B4GALNT1: variants seen among roughly 807,000 people sequenced by gnomAD.
B4GALNT1 encodes beta-1,4 N-acetylgalactosaminyltransferase 1.
A neutral mutation model predicts 55.2 loss-of-function variants in B4GALNT1; 43 were observed. The ratio of observed to expected loss-of-function variants is 0.78; its 90% confidence interval spans 0.61 to 1.00. The LOEUF (loss-of-function observed/expected upper bound fraction) is 1.00. B4GALNT1 is among the 50% of genes least tolerant of loss of function. The pLI, the probability that B4GALNT1 is intolerant of heterozygous loss-of-function variation, is 0.00. For synonymous variants in B4GALNT1, 305 were observed against 311.6 expected, an observed-to-expected ratio of 0.98 and a Z score of 0.22; for missense variants, 664 against 729.7, an observed-to-expected ratio of 0.91 and a Z score of 1.04.
chr12:57,631,693 A>G lies in B4GALNT1; in HGVS notation c.218+222T>C, dbSNP rs1447930407. 3.9e-5 allele frequency among the ~76,000 whole-genome samples: 6 copies of G among 152,100 alleles called. 1 individual carries two copies. Among genetic ancestry groups the G allele is most frequent in the Admixed American group, 3.9e-4 (6 of 15,266 alleles). Reference sequence around the variant, plus strand: ...TCTTTCAGGGCCCTCCCTTGACTGCACAACCTCCCACGCCCATCCCCATCC... The same window carrying G: ...TCTTTCAGGGCCCTCCCTTGACTGCGCAACCTCCCACGCCCATCCCCATCC... On this transcript the variant is annotated intron_variant, in intron 2 of 10. Transcript: ENST00000341156.
Position 57,623,903 on chromosome 12 carries a change from A to C in B4GALNT1, c.*2841T>G. ...CTGTGGCTGGGGCCCTTCTTTTACT[A>C]TCTGCCCAAGGTAATGAGCAGAGGA... On this transcript the variant is annotated 3_prime_UTR_variant, in exon 11 of 11. Transcript: ENST00000341156. 6.2e-7 allele frequency: 1 copy of C among 1,613,868 alleles called. No individual in the cohort carries two copies. Among genetic ancestry groups the C allele is most frequent in the South Asian group, 1.1e-5 (1 of 91,058 alleles).
At chr12:57,630,021 C>T in intron 6 of B4GALNT1, 131 bp downstream of exon 6, 1 of 1,567,314 alleles carries the variant, frequency 6.4e-7, no homozygotes, top group African/African-American at 1.3e-5. Context: ...AGTTGAAGCA[C>T]CCATTGTGTG....
At position 57,625,479 on chromosome 12, in the gene B4GALNT1, GA is replaced by G; in HGVS notation, c.*1264del. 6.2e-7 allele frequency: 1 copy of G among 1,614,218 alleles called. No individual in the cohort carries two copies. Among genetic ancestry groups the G allele is most frequent in the Non-Finnish European group, 8.5e-7 (1 of 1,180,026 alleles). On this transcript the variant is annotated 3_prime_UTR_variant, in exon 11 of 11. Transcript: ENST00000341156. ...TCAGTGTAATGGTGAGATGTGTGGA[GA>G]AGAGCGGGGCCCAGTGCCTGGGCAA...
At chr12:57,627,052 G>A (rs1884863312) in intron 10 of B4GALNT1, 91 bp from the exon 11 acceptor site, 1 of 1,138,564 alleles carries the variant, frequency 8.8e-7, no homozygotes, top group Non-Finnish European at 1.3e-6. Context: ...GGTGTGGAAA[G>A]TGTGTGTGCA....
Position 57,626,589 on chromosome 12 carries a change from C to T in B4GALNT1, c.*155G>A. 4.6e-6 allele frequency: 4 copies of T among 861,530 alleles called. No homozygotes were observed. Among genetic ancestry groups the T allele is most frequent in the Non-Finnish European group, 5.5e-6 (3 of 544,150 alleles). The allele number at this position is 861,530 out of a possible 1,614,324, so 53.4% of individuals were successfully genotyped here. A position where few individuals can be genotyped will look rare whatever the true frequency, so the allele number is the denominator to read the frequency against. On this transcript the variant is annotated 3_prime_UTR_variant, in exon 11 of 11. Coordinates refer to ENST00000341156, the MANE Select transcript of B4GALNT1 (RefSeq NM_001478.5). ...AAGGAGGGGTGTCACCAGGACAACC[C>T]CTACTGGGCATCAGGTTCTGAAAAG... is the stretch of plus-strand genomic sequence containing the variant.
In B4GALNT1 at chr12:57,624,194, T is replaced by A; in HGVS notation, c.*2550A>T. The A allele has an allele frequency of 2.6e-6, 3 of 1,168,540 alleles. No homozygotes were observed. Among genetic ancestry groups the A allele is most frequent in the Non-Finnish European group, 2.5e-6 (2 of 809,482 alleles). 72.4% of individuals were successfully genotyped at this position (1,168,540 alleles called of 1,614,324 possible). On this transcript the variant is annotated 3_prime_UTR_variant, in exon 11 of 11. Coordinates refer to ENST00000341156, the MANE Select transcript of B4GALNT1 (RefSeq NM_001478.5). Reference sequence around the variant, plus strand: ...AAACCTAATTGTCCTGGTCTTAAGTTCTGCAACCCACCCACTCCCCCAGCA... The same window carrying A: ...AAACCTAATTGTCCTGGTCTTAAGTACTGCAACCCACCCACTCCCCCAGCA...
In B4GALNT1 at chr12:57,623,627, G is replaced by T; in HGVS notation, c.*3117C>A. ...CTTGAACAATGGACATCTACAAGGA[G>T]ACTGGTGAATAATGGGCATTTAATT... On this transcript the variant is annotated 3_prime_UTR_variant, in exon 11 of 11. Transcript: ENST00000341156. 1 of 574,118 alleles carries T rather than the reference G, an allele frequency of 1.7e-6. No homozygotes were observed. Among genetic ancestry groups the T allele is most frequent in the Non-Finnish European group, 3.1e-6 (1 of 323,690 alleles). The allele number at this position is 574,118 out of a possible 1,614,324, so 35.6% of individuals were successfully genotyped here.
In B4GALNT1 at chr12:57,625,620, G is replaced by A; in HGVS notation, c.*1124C>T. 6.3e-7 allele frequency: 1 copy of A among 1,592,538 alleles called. No homozygotes were observed. Among genetic ancestry groups the A allele is most frequent in the Non-Finnish European group, 8.6e-7 (1 of 1,168,746 alleles). On this transcript the variant is annotated 3_prime_UTR_variant, in exon 11 of 11. Transcript: ENST00000341156. ...GACACTGACCCGGGTAGGACTCCTG[G>A]ACAGGGTGACTCCAGATCAGCTGTT...
chr12:57,632,201 GC>G, intron 1 of B4GALNT1, 68 bp from the exon 2 acceptor site: 1 of 1,412,122 alleles, frequency 7.1e-7, no homozygotes. Context: ...GGGGCCCTTG[GC>G]CCCCGCGTCC....
In B4GALNT1 at chr12:57,626,494, G is replaced by A. The variant is rs931958974; in HGVS notation, c.*250C>T. On this transcript the variant is annotated 3_prime_UTR_variant, in exon 11 of 11. Coordinates refer to ENST00000341156, the MANE Select transcript of B4GALNT1 (RefSeq NM_001478.5). ...CCCCCATTTCCTGCCCCATGAGAATGGGCAGGGGGAGGACTTGGCACTGGC... is the reference window on the plus strand; with the variant it reads ...CCCCCATTTCCTGCCCCATGAGAATAGGCAGGGGGAGGACTTGGCACTGGC... The A allele has an allele frequency of 3.7e-6, 2 of 541,450 alleles. No individual in the cohort carries two copies. The highest frequency in any genetic ancestry group is 3.8e-5 in the African/African-American group (2 of 52,718). The allele number at this position is 541,450 out of a possible 1,614,324, so 33.5% of individuals were successfully genotyped here.
At chr12:57,628,043 CT>C in intron 9 of B4GALNT1, 78 bp downstream of exon 9, 8 of 1,577,040 alleles carry the variant, frequency 5.1e-6, no homozygotes, top group Non-Finnish European at 6.9e-6. Flanking sequence ...CTGGCCGTTC[CT>C]GGCCGCAGCG....
rs974639680 is a variant in B4GALNT1 at position 57,632,066 on chromosome 12, G to C, written c.67C>G (p.Leu23Val). The C allele has an allele frequency of 3.5e-6, 5 of 1,445,264 alleles. No individual in the cohort carries two copies. Among genetic ancestry groups the C allele is most frequent in the Non-Finnish European group, 4.6e-6 (5 of 1,097,262 alleles). 89.5% of individuals were successfully genotyped at this position (1,445,264 alleles called of 1,614,324 possible). Residue 23 changes from leucine (L) to valine (V), a missense_variant, in exon 2 of 11, where the codon CTG becomes GTG. By Grantham distance (32) the Leu-to-Val change is conservative. Coordinates refer to ENST00000341156, the MANE Select transcript of B4GALNT1 (RefSeq NM_001478.5). ...LLLACASLGLLYASTRDAPGL... is the reference protein window; with the variant it reads ...LLLACASLGLVYASTRDAPGL... The stretch of plus-strand genomic sequence containing the variant: ...GGCGCGTCCCGGGTGCTCGCGTACA[G>C]GAGCCCCAGCGAGGCGCAGGCGAGC...
At chr12:57,627,530 G>A in intron 10 of B4GALNT1, 88 bp downstream of exon 10, 1 of 1,466,326 alleles carries the variant, frequency 6.8e-7, no homozygotes, top group Non-Finnish European at 9.0e-7. Flanking sequence ...GCTGGGCGCG[G>A]GTGCAGCCTA....
chr12:57,629,119 G>A lies in B4GALNT1; in HGVS notation c.740C>T (p.Ala247Val). ...GTGTCTTATGCGGATAGTGAAAGCA[G>A]CCTCATGTCCCTCGGTGGAGAACCG... ...TVRFSTEGHE[A>V]AFTIRIRHPP... The change falls in exon 7 of 11, where the codon GCT (alanine) becomes GTT (valine). Residue 247 changes from alanine to valine, a missense_variant. Physicochemically the swap from Ala to Val is moderately conservative, Grantham distance 64. Coordinates refer to ENST00000341156, the MANE Select transcript of B4GALNT1 (RefSeq NM_001478.5). The A allele has an allele frequency of 6.3e-7, 1 of 1,597,582 alleles. No individual in the cohort carries two copies. Among genetic ancestry groups the A allele is most frequent in the Non-Finnish European group, 8.6e-7 (1 of 1,167,802 alleles).
At position 57,625,956 on chromosome 12, in the gene B4GALNT1, G is replaced by T; in HGVS notation, c.*788C>A. 2.0e-6 allele frequency: 1 copy of T among 490,302 alleles called. No homozygotes were observed. Among genetic ancestry groups the T allele is most frequent in the Non-Finnish European group, 3.4e-6 (1 of 290,294 alleles). 30.4% of individuals were successfully genotyped at this position (490,302 alleles called of 1,614,324 possible). On this transcript the variant is annotated 3_prime_UTR_variant, in exon 11 of 11. Coordinates refer to ENST00000341156, the MANE Select transcript of B4GALNT1 (RefSeq NM_001478.5). The stretch of plus-strand genomic sequence containing the variant: ...ACTGCCACATTTCATTAAGGAAGAG[G>T]GGTGCCTAATCTATTCCTGACATGT...
intron 3 of B4GALNT1, 37 bp downstream of exon 3, chr12:57,631,163 C>T (rs371208296): frequency 6.2e-7 from 1 of 1,613,538 alleles, no homozygotes; most frequent in African/African-American, 1.3e-5. Flanking sequence ...TCACTGCTCT[C>T]CCCCTGAGGA....
In B4GALNT1 at chr12:57,623,778, C is replaced by G. The variant is rs746526883; in HGVS notation, c.*2966G>C. 4.7e-6 allele frequency: 7 copies of G among 1,488,172 alleles called. No individual in the cohort carries two copies. The highest frequency in any genetic ancestry group is 6.5e-6 in the Non-Finnish European group (7 of 1,080,296). The allele number at this position is 1,488,172 out of a possible 1,614,324, so 92.2% of individuals were successfully genotyped here. A position where few individuals can be genotyped will look rare whatever the true frequency, so the allele number is the denominator to read the frequency against. On this transcript the variant is annotated 3_prime_UTR_variant, in exon 11 of 11. Coordinates refer to ENST00000341156, the MANE Select transcript of B4GALNT1 (RefSeq NM_001478.5). ...GGCAGAGTGGGCAGGAAGACCAGCTCTCATGTGGGGGTGGGAGGCTCTCTT... is the reference window on the plus strand; with the variant it reads ...GGCAGAGTGGGCAGGAAGACCAGCTGTCATGTGGGGGTGGGAGGCTCTCTT...
rs760024577 is a variant in B4GALNT1 at position 57,630,160 on chromosome 12, G to A, written c.704C>T (p.Ala235Val). ...YSSRSYQTNT[A>V]DTVRFSTEGH... is the part of the protein sequence containing the mutation. ...CCACCCAGGCCTTGCACCTGTGTCTGCTGTGTTGGTCTGGTAGCTTCGGCT... is the reference window on the plus strand; with the variant it reads ...CCACCCAGGCCTTGCACCTGTGTCTACTGTGTTGGTCTGGTAGCTTCGGCT... Residue 235 changes from alanine to valine, a missense_variant, in exon 6 of 11, where the codon GCA (alanine) becomes GTA (valine). By Grantham distance (64) the Ala-to-Val change is moderately conservative. Transcript: ENST00000341156. The A allele has an allele frequency of 1.9e-6, 3 of 1,614,238 alleles. No homozygotes were observed. Among genetic ancestry groups the A allele is most frequent in the Non-Finnish European group, 2.5e-6 (3 of 1,180,044 alleles).
chr12:57,631,997 G>A lies in B4GALNT1; in HGVS notation c.136C>T (p.Pro46Ser), dbSNP rs1345664623. 6.9e-7 allele frequency: 1 copy of A among 1,454,170 alleles called. No homozygotes were observed. Among genetic ancestry groups the A allele is most frequent in the Non-Finnish European group, 9.1e-7 (1 of 1,103,708 alleles). 90.1% of individuals were successfully genotyped at this position (1,454,170 alleles called of 1,614,324 possible). The change falls in exon 2 of 11, where the codon CCC becomes TCC. Residue 46 changes from proline to serine, a missense_variant. Transcript: ENST00000341156. ...AGATCTGGCAGCTCGGGCCTGCGGG[G>A]GCTTTGCGGGGGCGCCCACGGCGCA... ...PLAPWAPPQS[P>S]RRPELPDLAP...
Sources: gnomAD v4.1 joint callset for allele counts (sites outside exome capture counted in the v4.1 genomes callset) on GRCh38, gnomAD v4.1.1 for gene constraint, MANE v1.5 for transcripts, NCBI Gene and HGNC (gene_info 2026-07-23, HGNC 2026-07-21) for gene names.